The following CIMIP2C variants were observed in gnomAD, a reference collection of about 807,000 sequenced individuals.
CIMIP2C encodes the protein UPF0573 protein C2orf70.
At chr2:26,572,173 C>T in the CIMIP2C span, 5 of 1,519,146 alleles carry the variant, frequency 3.3e-6, no homozygotes, top group East Asian at 1.0e-4. Context: ...CCCATCTCCC[C>T]TCCACCCACC....
the CIMIP2C span, chr2:26,575,896 C>T: frequency 8.7e-5 from 140 of 1,610,924 alleles, no homozygotes; most frequent in Admixed American, 3.3e-4. Flanking sequence ...CCACCGTGAT[C>T]GGCAGGTACC....
At chr2:26,579,150 CA>C in the CIMIP2C span, 1 of 872,986 alleles carries the variant, frequency 1.1e-6, no homozygotes, top group Non-Finnish European at 1.8e-6. Context: ...ACCCCAAGTC[CA>C]GGGGGACTTA....
At chr2:26,579,332 G>A in the CIMIP2C span, 33 of 1,613,944 alleles carry the variant, frequency 2.0e-5, no homozygotes, top group East Asian at 2.9e-4. Context: ...CACCTTTTAA[G>A]ACTAGCCCCC....
chr2:26,579,049 G>T, the CIMIP2C span: 3 of 566,824 alleles, frequency 5.3e-6, no homozygotes, highest in East Asian at 9.8e-5. Flanking sequence ...ACTTCTAGCA[G>T]GAGTTAGGAC....
At chr2:26,579,164 A>G in the CIMIP2C span, 4 of 1,006,262 alleles carry the variant, frequency 4.0e-6, no homozygotes, top group East Asian at 4.9e-5. Flanking sequence ...GGGACTTATC[A>G]GGTGTTAAAC....
At chr2:26,573,436 C>T in the CIMIP2C span, among the ~76,000 whole-genome samples, 2 of 152,250 alleles carry the variant, frequency 1.3e-5, no homozygotes, top group South Asian at 2.1e-4. Context: ...TTAAAGATGA[C>T]GGAAGAAGGG....
At chr2:26,568,950 G>A in the CIMIP2C span, among the ~76,000 whole-genome samples, 1 of 151,576 alleles carries the variant, frequency 6.6e-6, no homozygotes, top group African/African-American at 2.4e-5. Context: ...GAACCCGGGA[G>A]ATGGAGGTTG....
At chr2:26,575,998 G>A in the CIMIP2C span, 1,127 of 1,614,124 alleles carry the variant, frequency 7.0e-4, 21 homozygotes, top group South Asian at 0.012. Context: ...ACAGAGCCAT[G>A]GAGAAGAGCC....
At chr2:26,572,588 G>A in the CIMIP2C span, among the ~76,000 whole-genome samples, 1 of 152,126 alleles carries the variant, frequency 6.6e-6, no homozygotes, top group Non-Finnish European at 1.5e-5. Flanking sequence ...TCTTTTTGCT[G>A]GGGTTGGCAG....
At chr2:26,562,698 G>T in the CIMIP2C span, 9 of 1,560,412 alleles carry the variant, frequency 5.8e-6, no homozygotes, top group South Asian at 1.1e-4. Flanking sequence ...TAAGGCCGAG[G>T]GAGCGCCTCC....
the CIMIP2C span, among the ~76,000 whole-genome samples, chr2:26,563,430 C>A: frequency 6.6e-6 from 1 of 152,182 alleles, no homozygotes; most frequent in African/African-American, 2.4e-5. Context: ...TTGGCTCTTT[C>A]TCCTACAGTG....
chr2:26,573,265 A>G, the CIMIP2C span, among the ~76,000 whole-genome samples: 66 of 152,334 alleles, frequency 4.3e-4, no homozygotes, highest in African/African-American at 1.4e-3. Context: ...GGAATCTGCA[A>G]TCCCGCCTTC....
chr2:26,577,348 AGCTGGTTG>A, the CIMIP2C span, among the ~76,000 whole-genome samples: 1 of 152,322 alleles, frequency 6.6e-6, no homozygotes, highest in Middle Eastern at 3.4e-3. Flanking sequence ...GAGGACACCC[AGCTGGTTG>A]GCAATTGAGT....
chr2:26,574,834 G>A, the CIMIP2C span, among the ~76,000 whole-genome samples: 1 of 152,246 alleles, frequency 6.6e-6, no homozygotes. Flanking sequence ...GCAAGACAGA[G>A]CATGTCCACC....
At chr2:26,572,339 T>C in the CIMIP2C span, among the ~76,000 whole-genome samples, 1 of 134,752 alleles carries the variant, frequency 7.4e-6, no homozygotes, top group African/African-American at 2.7e-5. Flanking sequence ...GGCTCTACAT[T>C]ACTGAGTTGG....
the CIMIP2C span, among the ~76,000 whole-genome samples, chr2:26,569,903 T>C: frequency 1.9e-3 from 282 of 152,246 alleles, no homozygotes; most frequent in African/African-American, 6.6e-3. Context: ...CTGCCACGTA[T>C]CAACACAAAC....
the CIMIP2C span, chr2:26,577,807 G>T: frequency 3.7e-6 from 2 of 544,028 alleles, no homozygotes; most frequent in Admixed American, 3.8e-5. Context: ...GCAGCCTCAG[G>T]GGGGATGGTG....
chr2:26,576,393 C>T, the CIMIP2C span, among the ~76,000 whole-genome samples: 23 of 152,284 alleles, frequency 1.5e-4, 1 homozygote, highest in Admixed American at 7.2e-4. Context: ...CCCCACCTCC[C>T]GGGGCTTCAG....
At chr2:26,571,545 G>A in the CIMIP2C span, among the ~76,000 whole-genome samples, 2 of 152,286 alleles carry the variant, frequency 1.3e-5, no homozygotes, top group South Asian at 2.1e-4. Context: ...TGTGTTCCCA[G>A]CACTTAGTAT....
Sources: allele counts gnomAD v4.1 joint callset (sites outside exome capture counted in the v4.1 genomes callset), GRCh38; gene constraint gnomAD v4.1.1; transcripts MANE v1.5; gene names NCBI Gene and HGNC (gene_info 2026-07-23, HGNC 2026-07-21).